The following SLC9A9 variants were observed in gnomAD, a reference collection of about 807,000 sequenced individuals.
SLC9A9 encodes the protein sodium/hydrogen exchanger 9.
A neutral mutation model predicts 77.8 loss-of-function variants in SLC9A9; 62 were observed. That is an observed-to-expected ratio of 0.80 (90% CI 0.65 to 0.98). The LOEUF (loss-of-function observed/expected upper bound fraction) is 0.98, where lower values mean the gene tolerates loss of function less well. SLC9A9 is among the 50% of genes least tolerant of loss of function. SLC9A9 has a pLI of 0.00. For synonymous variants in SLC9A9, 320 were observed against 283.5 expected, an observed-to-expected ratio of 1.13 and a Z score of -1.29; for missense variants, 775 against 774.9, an observed-to-expected ratio of 1.00 and a Z score of 0.00.
At chr3:143,692,425 A>G (rs1214597470) in intron 5 of SLC9A9, among the ~76,000 whole-genome samples, 1 of 152,178 alleles carries the variant, frequency 6.6e-6, no homozygotes, top group Non-Finnish European at 1.5e-5. Context: ...TACAAAGAAA[A>G]TAATATGATT....
chr3:143,601,177 C>G (rs1231491748), intron 6 of SLC9A9, among the ~76,000 whole-genome samples: 1 of 152,060 alleles, frequency 6.6e-6, no homozygotes, highest in Non-Finnish European at 1.5e-5. Context: ...TGAATATTTA[C>G]TGAGTACCTC....
At chr3:143,680,076 T>C (rs887807427) in intron 5 of SLC9A9, among the ~76,000 whole-genome samples, 1 of 151,858 alleles carries the variant, frequency 6.6e-6, no homozygotes, top group South Asian at 2.1e-4. Flanking sequence ...GAGATAAAAA[T>C]AGAGGTGCAA....
At chr3:143,811,634 C>T (rs2008867193) in intron 2 of SLC9A9, 1 of 452,472 alleles carries the variant, frequency 2.2e-6, no homozygotes, top group African/African-American at 2.0e-5. Flanking sequence ...TCATTTGAGG[C>T]CAGGAGTTTG....
chr3:143,365,409 T>A (rs2032870074), intron 13 of SLC9A9, among the ~76,000 whole-genome samples: 1 of 152,150 alleles, frequency 6.6e-6, no homozygotes, highest in South Asian at 2.1e-4. Context: ...CATGTATACT[T>A]GAACCTAAAA....
chr3:143,726,697 T>C (rs993540560), intron 4 of SLC9A9, among the ~76,000 whole-genome samples: 2 of 151,876 alleles, frequency 1.3e-5, no homozygotes, highest in African/African-American at 4.8e-5. Context: ...AGTTCTAAAA[T>C]GTATTGACCC....
At chr3:143,619,367 C>A (rs1336804447) in intron 6 of SLC9A9, among the ~76,000 whole-genome samples, 1 of 152,160 alleles carries the variant, frequency 6.6e-6, no homozygotes, top group African/African-American at 2.4e-5. Flanking sequence ...CTAACTAATA[C>A]TTAGAAAAAA....
intron 13 of SLC9A9, among the ~76,000 whole-genome samples, chr3:143,364,385 A>G (rs1262138970): frequency 2.0e-5 from 3 of 152,104 alleles, no homozygotes; most frequent in Non-Finnish European, 4.4e-5. Context: ...AAGCATTTAT[A>G]TCTCTTAATG....
chr3:143,364,909 A>T (rs890837054), intron 13 of SLC9A9, among the ~76,000 whole-genome samples: 1 of 152,216 alleles, frequency 6.6e-6, no homozygotes, highest in Non-Finnish European at 1.5e-5. Flanking sequence ...GTTGATGGAA[A>T]TTCTGTGCTA....
intron 4 of SLC9A9, among the ~76,000 whole-genome samples, chr3:143,746,939 A>G (rs1418570245): frequency 6.6e-6 from 1 of 152,074 alleles, no homozygotes; most frequent in Non-Finnish European, 1.5e-5. Context: ...CCAGGTAATG[A>G]GTTTAATTGT....
intron 8 of SLC9A9, among the ~76,000 whole-genome samples, chr3:143,556,803 C>A (rs2036990884): frequency 6.6e-6 from 1 of 152,136 alleles, no homozygotes; most frequent in South Asian, 2.1e-4. Flanking sequence ...TCTTCTCTTT[C>A]TAAACTTTGA....
chr3:143,796,294 A>G (rs1202629322), intron 3 of SLC9A9, among the ~76,000 whole-genome samples: 1 of 149,062 alleles, frequency 6.7e-6, no homozygotes, highest in Non-Finnish European at 1.5e-5. Flanking sequence ...GATAAACTCA[A>G]TGTTAATTAA....
In SLC9A9 at chr3:143,837,704, C is replaced by CA. The variant is rs2009604067; in HGVS notation, c.176-5484dup. ...CTCACTCCAGCTCCGGGGATGTTCT[C>CA]ACTCTCCCTGCTGATAACCGGTTTG... is the stretch of plus-strand genomic sequence containing the variant. On this transcript the variant is annotated intron_variant, in intron 1 of 15. Transcript: ENST00000316549. Among the ~76,000 whole-genome samples the CA allele has an allele frequency of 2.6e-5, 4 of 152,302 alleles. No individual in the cohort carries two copies. In the South Asian group the frequency reaches 8.3e-4, roughly 32 times the overall value.
intron 4 of SLC9A9, among the ~76,000 whole-genome samples, chr3:143,753,634 G>C (rs1049741778): frequency 1.3e-5 from 2 of 152,146 alleles, no homozygotes; most frequent in Non-Finnish European, 2.9e-5. Flanking sequence ...GCTGTGCTGT[G>C]CTGTAGCAGG....
chr3:143,824,328 C>G (rs1415404759), intron 2 of SLC9A9, among the ~76,000 whole-genome samples: 1 of 152,016 alleles, frequency 6.6e-6, no homozygotes, highest in African/African-American at 2.4e-5. Flanking sequence ...AAAAAACTGC[C>G]TTCCAGAAAG....
At chr3:143,297,204 T>C (rs1000558107) in intron 14 of SLC9A9, among the ~76,000 whole-genome samples, 8 of 152,210 alleles carry the variant, frequency 5.3e-5, no homozygotes, top group Admixed American at 2.6e-4. Flanking sequence ...GTGTGTGGTG[T>C]AGGGATCTGA....
At chr3:143,394,482 CCA>C (rs1214497965) in intron 12 of SLC9A9, among the ~76,000 whole-genome samples, 4 of 152,068 alleles carry the variant, frequency 2.6e-5, no homozygotes, top group African/African-American at 9.7e-5. Context: ...TATGACAAAC[CCA>C]CAGTCAGTAT....
intron 1 of SLC9A9, among the ~76,000 whole-genome samples, chr3:143,844,917 C>T (rs1364053085): frequency 1.3e-5 from 2 of 151,874 alleles, no homozygotes; most frequent in African/African-American, 4.8e-5. Flanking sequence ...TATCACCATG[C>T]CCCCCTGCTC....
At chr3:143,350,970 C>T (rs1251582956) in intron 14 of SLC9A9, among the ~76,000 whole-genome samples, 3 of 152,178 alleles carry the variant, frequency 2.0e-5, no homozygotes, top group Non-Finnish European at 4.4e-5. Flanking sequence ...GAATTGAGGG[C>T]TCTCTCTCCT....
At chr3:143,384,270 C>G (rs570463337) in intron 12 of SLC9A9, among the ~76,000 whole-genome samples, 3 of 152,244 alleles carry the variant, frequency 2.0e-5, no homozygotes, top group Admixed American at 6.5e-5. Context: ...AGGCTCCCAG[C>G]CCCCTTCTCT....
Sources: allele counts gnomAD v4.1 joint callset (sites outside exome capture counted in the v4.1 genomes callset), GRCh38; gene constraint gnomAD v4.1.1; transcripts MANE v1.5; gene names NCBI Gene and HGNC (gene_info 2026-07-23, HGNC 2026-07-21).